The following SSBP3 variants were observed in gnomAD, a reference collection of about 807,000 sequenced individuals.
SSBP3 encodes single stranded DNA binding protein 3.
A neutral mutation model predicts 69.6 loss-of-function variants in SSBP3; 5 were observed. That is an observed-to-expected ratio of 0.07 (90% confidence interval 0.04 to 0.15). The LOEUF (loss-of-function observed/expected upper bound fraction) is 0.15. Among genes scored for constraint, SSBP3 ranks in the 10% least tolerant of loss-of-function variants. The probability of loss-of-function intolerance (pLI) is 1.00; values close to 1 mark genes in which losing one functional copy is unlikely to be tolerated. For missense variants in SSBP3, 312 were observed against 534.0 expected, an observed-to-expected ratio of 0.58 and a Z score of 4.10; for synonymous variants, 196 against 193.4, an observed-to-expected ratio of 1.01 and a Z score of -0.11.
At chr1:54,267,275 C>CG (rs1645118535) in intron 5 of SSBP3, among the ~76,000 whole-genome samples, 1 of 152,208 alleles carries the variant, frequency 6.6e-6, no homozygotes, top group African/African-American at 2.4e-5. Context: ...ACAGGGCACT[C>CG]TTTTCAAGAA....
intron 4 of SSBP3, among the ~76,000 whole-genome samples, chr1:54,384,530 GATT>G (rs1230005438): frequency 6.6e-6 from 1 of 152,238 alleles, no homozygotes; most frequent in Non-Finnish European, 1.5e-5. Context: ...GAGGCTCAAA[GATT>G]ATTAGAAGCA....
chr1:54,241,564 GC>G, intron 11 of SSBP3, 55 bp from the exon 12 acceptor site: 4 of 1,581,724 alleles, frequency 2.5e-6, no homozygotes, highest in Non-Finnish European at 3.5e-6. Flanking sequence ...GCCCTCAGCT[GC>G]CAAACCTCCC....
chr1:54,355,161 C>A (rs1646843455), intron 4 of SSBP3, among the ~76,000 whole-genome samples: 1 of 152,244 alleles, frequency 6.6e-6, no homozygotes, highest in African/African-American at 2.4e-5. Flanking sequence ...CGGCGTCCAA[C>A]AAACGTCTGA....
chr1:54,299,088 T>C (rs1035869639), intron 4 of SSBP3, among the ~76,000 whole-genome samples: 1 of 152,056 alleles, frequency 6.6e-6, no homozygotes, highest in African/African-American at 2.4e-5. Context: ...TTGTTATTAA[T>C]ATTTAATAGG....
At chr1:54,281,404 G>C (rs1273231535) in intron 5 of SSBP3, 34 bp downstream of exon 5, 20 of 1,521,110 alleles carry the variant, frequency 1.3e-5, no homozygotes, top group Non-Finnish European at 1.8e-5. Context: ...TGGAATACAA[G>C]GTGGAGCACA....
chr1:54,351,824 G>A (rs897992848), intron 4 of SSBP3, among the ~76,000 whole-genome samples: 30 of 152,174 alleles, frequency 2.0e-4, no homozygotes, highest in African/African-American at 7.0e-4. Context: ...AGTGCCATCT[G>A]GGAAGGACTC....
At position 54,388,136 on chromosome 1, in the gene SSBP3, T is replaced by G. The variant is rs74827547; in HGVS notation, c.276+13725A>C. ...CGAGAAGCAAACTGTCACTGACATTTTTTTTTAAGACACACGTTTACAGGT... is the reference window on the plus strand; with the variant it reads ...CGAGAAGCAAACTGTCACTGACATTGTTTTTTAAGACACACGTTTACAGGT... On this transcript the variant is annotated intron_variant, in intron 4 of 17. Transcript: ENST00000610401. Among the ~76,000 whole-genome samples the G allele has an allele frequency of 4.2e-3, 647 of 152,262 alleles. 2 individuals carry two copies. Among genetic ancestry groups the G allele is most frequent in the Non-Finnish European group, 7.0e-3 (477 of 68,024 alleles).
intron 10 of SSBP3, chr1:54,243,008 G>C: frequency 1.9e-6 from 1 of 534,428 alleles, no homozygotes; most frequent in South Asian, 3.1e-5. Flanking sequence ...TGAAGATGAG[G>C]TGAGCTGATG....
chr1:54,243,614 C>G (rs1383231284), intron 9 of SSBP3, among the ~76,000 whole-genome samples: 1 of 152,188 alleles, frequency 6.6e-6, no homozygotes, highest in Non-Finnish European at 1.5e-5. Context: ...CATCCTGTAC[C>G]TTCCCCCTGG....
At chr1:54,248,785 G>A (rs1644775641) in intron 9 of SSBP3, among the ~76,000 whole-genome samples, 1 of 152,180 alleles carries the variant, frequency 6.6e-6, no homozygotes, top group African/African-American at 2.4e-5. Flanking sequence ...TTCTTCAAGG[G>A]ACGTTTGGCT....
chr1:54,257,340 C>A (rs139294233), intron 6 of SSBP3, 154 bp from the exon 7 acceptor site: 3 of 601,238 alleles, frequency 5.0e-6, no homozygotes, highest in South Asian at 4.9e-5. Flanking sequence ...AGCAAAACTT[C>A]CTTTGGGCAG....
chr1:54,386,125 T>G (rs980429304), intron 4 of SSBP3, among the ~76,000 whole-genome samples: 2 of 152,186 alleles, frequency 1.3e-5, no homozygotes, highest in African/African-American at 4.8e-5. Flanking sequence ...TGGGGTTCAG[T>G]GCAGTTCTAG....
intron 4 of SSBP3, among the ~76,000 whole-genome samples, chr1:54,320,911 G>A (rs1055416121): frequency 6.6e-6 from 1 of 152,232 alleles, no homozygotes; most frequent in African/African-American, 2.4e-5. Context: ...TACAAAAAAA[G>A]GGTGTAGTTT....
intron 4 of SSBP3, among the ~76,000 whole-genome samples, chr1:54,334,305 T>C (rs905632488): frequency 1.3e-5 from 2 of 151,748 alleles, no homozygotes; most frequent in Non-Finnish European, 2.9e-5. Context: ...TGAGCTGAGA[T>C]TGGGCCACTG....
chr1:54,301,655 AAC>A (rs1304543961), intron 4 of SSBP3, among the ~76,000 whole-genome samples: 2 of 152,206 alleles, frequency 1.3e-5, no homozygotes, highest in African/African-American at 4.8e-5. Context: ...GGGGATGAAA[AAC>A]ACACACAACA....
intron 4 of SSBP3, among the ~76,000 whole-genome samples, chr1:54,398,088 G>A (rs564148633): frequency 4.6e-5 from 7 of 152,306 alleles, no homozygotes; most frequent in East Asian, 1.9e-4. Flanking sequence ...TAAAAGCTGA[G>A]AGGCAGAACT....
At chr1:54,297,904 A>G (rs1645729654) in intron 4 of SSBP3, among the ~76,000 whole-genome samples, 1 of 152,088 alleles carries the variant, frequency 6.6e-6, no homozygotes. Flanking sequence ...GCAGGGATCC[A>G]GCTTCTGGGA....
At chr1:54,248,398 G>A (rs888899985) in intron 9 of SSBP3, among the ~76,000 whole-genome samples, 2 of 152,120 alleles carry the variant, frequency 1.3e-5, no homozygotes, top group African/African-American at 2.4e-5. Flanking sequence ...CTGCTATTTC[G>A]CCCACCCTCC....
At chr1:54,336,042 C>T (rs1347764910) in intron 4 of SSBP3, among the ~76,000 whole-genome samples, 1 of 152,242 alleles carries the variant, frequency 6.6e-6, no homozygotes. Context: ...ATTACTTAAC[C>T]TCTCTGAGCT....
Sources: gnomAD v4.1 joint callset for allele counts (sites outside exome capture counted in the v4.1 genomes callset) on GRCh38, gnomAD v4.1.1 for gene constraint, MANE v1.5 for transcripts, NCBI Gene and HGNC (gene_info 2026-07-23, HGNC 2026-07-21) for gene names.